Variants in PTPRD observed in about 807,000 individuals in gnomAD.
PTPRD encodes the protein receptor-type tyrosine-protein phosphatase delta.
A neutral mutation model predicts 214.5 loss-of-function variants in PTPRD; 34 were observed. The observed-to-expected ratio is 0.16, with a 90% CI of 0.12 to 0.21. PTPRD has a LOEUF of 0.21. PTPRD is among the 10% of genes least tolerant of loss of function. The pLI is 1.00. For synonymous variants in PTPRD, 1,128 were observed against 845.7 expected, an observed-to-expected ratio of 1.33 and a Z score of -5.79; for missense variants, 2,545 against 2,398.7, an observed-to-expected ratio of 1.06 and a Z score of -1.27.
At chr9:9,148,407 T>C (rs2154486155) in intron 10 of PTPRD, among the ~76,000 whole-genome samples, 1 of 152,296 alleles carries the variant, frequency 6.6e-6, no homozygotes, top group Non-Finnish European at 1.5e-5. Flanking sequence ...TGTAATTATA[T>C]GTGGAAATAA....
At chr9:10,295,122 A>G (rs546601751) in intron 3 of PTPRD, among the ~76,000 whole-genome samples, 3 of 152,210 alleles carry the variant, frequency 2.0e-5, no homozygotes, top group African/African-American at 7.2e-5. Flanking sequence ...GATATTGTAT[A>G]CATGGATTGC....
At chr9:8,333,724 G>T (rs2131830109) in intron 43 of PTPRD, among the ~76,000 whole-genome samples, 1 of 152,168 alleles carries the variant, frequency 6.6e-6, no homozygotes, top group Non-Finnish European at 1.5e-5. Flanking sequence ...AAATGTACAT[G>T]GACTAAATGC....
At chr9:9,706,755 A>T (rs1462698711) in intron 7 of PTPRD, among the ~76,000 whole-genome samples, 1 of 151,988 alleles carries the variant, frequency 6.6e-6, no homozygotes, top group East Asian at 1.9e-4. Flanking sequence ...ACTCTTAAAA[A>T]ACTCCATTGA....
chr9:9,162,526 T>A (rs1396489666), intron 10 of PTPRD, among the ~76,000 whole-genome samples: 2 of 152,090 alleles, frequency 1.3e-5, no homozygotes, highest in African/African-American at 4.8e-5. Flanking sequence ...ACATAATTGA[T>A]CTACCATGTA....
rs566675777 is a variant in PTPRD at position 10,482,465 on chromosome 9, G to A, written c.-600+129933C>T. The stretch of plus-strand genomic sequence containing the variant: ...TAAAGAAATAAAGGGCATTCAAATT[G>A]GAAAAGTGGAAATCAAATTATCTAT... On this transcript the variant is annotated intron_variant, in intron 2 of 45. Transcript: ENST00000381196. Among the ~76,000 whole-genome samples, 42 of 151,836 alleles carry A rather than the reference G, an allele frequency of 2.8e-4. 1 individual carries two copies. Among genetic ancestry groups the A allele is most frequent in the African/African-American group, 8.9e-4 (37 of 41,454 alleles).
intron 3 of PTPRD, among the ~76,000 whole-genome samples, chr9:10,228,583 A>G (rs889856762): frequency 2.5e-4 from 38 of 151,876 alleles, no homozygotes; most frequent in Non-Finnish European, 3.7e-4. Flanking sequence ...AATATTTGCC[A>G]TCAGCTACCT....
chr9:10,300,544 C>A (rs1426332255), intron 3 of PTPRD, among the ~76,000 whole-genome samples: 1 of 152,182 alleles, frequency 6.6e-6, no homozygotes, highest in Non-Finnish European at 1.5e-5. Flanking sequence ...GCACAGAAGT[C>A]TGAGGTTGAC....
chr9:10,214,129 C>A (rs924865256), intron 3 of PTPRD, among the ~76,000 whole-genome samples: 4 of 152,036 alleles, frequency 2.6e-5, no homozygotes, highest in Non-Finnish European at 5.9e-5. Flanking sequence ...TACTAGTATG[C>A]TTTGCTTTAA....
chr9:10,193,359 C>G (rs1253324742), intron 3 of PTPRD, among the ~76,000 whole-genome samples: 1 of 151,814 alleles, frequency 6.6e-6, no homozygotes, highest in Non-Finnish European at 1.5e-5. Flanking sequence ...AAACCTAAAG[C>G]CTCTGTGTGC....
At chr9:8,867,738 T>C (rs928712847) in intron 11 of PTPRD, among the ~76,000 whole-genome samples, 1 of 152,220 alleles carries the variant, frequency 6.6e-6, no homozygotes. Context: ...CTGCCTTTTA[T>C]TAAAGTTATA....
At chr9:9,767,205 A>T (rs1208405647) in intron 5 of PTPRD, among the ~76,000 whole-genome samples, 2 of 152,074 alleles carry the variant, frequency 1.3e-5, no homozygotes, top group East Asian at 3.8e-4. Context: ...AAAATGCTAC[A>T]TGAATTATTA....
At chr9:9,673,231 T>G (rs1217819723) in intron 7 of PTPRD, among the ~76,000 whole-genome samples, 1 of 151,992 alleles carries the variant, frequency 6.6e-6, no homozygotes, top group Non-Finnish European at 1.5e-5. Flanking sequence ...TGTTGATTTC[T>G]TTCCCTATTA....
chr9:9,381,827 T>C (rs1444515121), intron 9 of PTPRD, among the ~76,000 whole-genome samples: 1 of 152,052 alleles, frequency 6.6e-6, no homozygotes, highest in Admixed American at 6.6e-5. Flanking sequence ...TTATGTCTTT[T>C]TTTCCCCAAG....
intron 38 of PTPRD, 47 bp from the exon 39 acceptor site, chr9:8,376,137 G>A (rs1357947528): frequency 1.9e-6 from 3 of 1,603,514 alleles, no homozygotes; most frequent in South Asian, 1.1e-5. Flanking sequence ...CAAGCCTCAG[G>A]TGGTAATGAT....
chr9:9,872,413 A>G (rs964620349), intron 5 of PTPRD, among the ~76,000 whole-genome samples: 4 of 152,102 alleles, frequency 2.6e-5, no homozygotes, highest in African/African-American at 4.8e-5. Context: ...AAGCCTAAGC[A>G]ACATAGTGAG....
chr9:9,877,919 G>C (rs1172167344), intron 5 of PTPRD, among the ~76,000 whole-genome samples: 1 of 143,482 alleles, frequency 7.0e-6, no homozygotes, highest in Non-Finnish European at 1.5e-5. Flanking sequence ...GTTGCGGTGA[G>C]CTGAGATCAC....
intron 43 of PTPRD, among the ~76,000 whole-genome samples, chr9:8,337,875 T>A (rs977990997): frequency 1.4e-5 from 2 of 144,794 alleles, no homozygotes; most frequent in African/African-American, 2.5e-5. Flanking sequence ...AGAGCACTAT[T>A]TTTTTTTTTT....
chr9:8,645,390 C>A (rs79428227), intron 12 of PTPRD, among the ~76,000 whole-genome samples: 2 of 152,262 alleles, frequency 1.3e-5, no homozygotes, highest in Admixed American at 1.3e-4. Flanking sequence ...TCCATTTGCT[C>A]ATGATTTAAA....
intron 3 of PTPRD, among the ~76,000 whole-genome samples, chr9:10,211,907 A>T (rs1180782193): frequency 6.6e-6 from 1 of 152,172 alleles, no homozygotes; most frequent in Non-Finnish European, 1.5e-5. Context: ...ACTATGCAAT[A>T]TGCTCATGTA....
Sources: gnomAD v4.1 joint callset for allele counts (sites outside exome capture counted in the v4.1 genomes callset) on GRCh38, gnomAD v4.1.1 for gene constraint, MANE v1.5 for transcripts, NCBI Gene and HGNC (gene_info 2026-07-23, HGNC 2026-07-21) for gene names.